The following ATAT1 variants were observed in gnomAD, a reference collection of about 807,000 sequenced individuals.
ATAT1 encodes the protein alpha-tubulin N-acetyltransferase 1.
A neutral mutation model predicts 57.2 loss-of-function variants in ATAT1; 42 were observed. The ratio of observed to expected loss-of-function variants is 0.73; its 90% CI spans 0.57 to 0.95. The LOEUF is 0.95. ATAT1 is among the 40% of genes least tolerant of loss of function. The probability of loss-of-function intolerance (pLI) is 0.00; values close to 1 mark genes in which losing one functional copy is unlikely to be tolerated. For missense variants in ATAT1, 454 were observed against 523.7 expected (o/e 0.87, Z 1.30); for synonymous variants, 168 against 187.1 (o/e 0.90, Z 0.83).
At chr6:30,632,030 C>G (rs1762993743) in intron 6 of ATAT1, among the ~76,000 whole-genome samples, 1 of 151,272 alleles carries the variant, frequency 6.6e-6, no homozygotes, top group East Asian at 2.0e-4. Context: ...AAGATCAGGC[C>G]AGGGGTGGCG....
intron 8 of ATAT1, chr6:30,641,662 C>A: frequency 2.2e-6 from 1 of 459,240 alleles, no homozygotes; most frequent in Non-Finnish European, 2.8e-6. Context: ...TTTTTTTTAA[C>A]CTAATAAAAC....
chr6:30,640,442 T>G lies in ATAT1; in HGVS notation c.547+20T>G. 6.2e-7 allele frequency: 1 copy of G among 1,613,018 alleles called. No homozygotes were observed. Among genetic ancestry groups the G allele is most frequent in the Non-Finnish European group, 8.5e-7 (1 of 1,180,038 alleles). ...AACATCGTAAGTTTTTGCATTTTGTTGGTCACGTAGTCGGGGTGAGGGAAA... is the reference window on the plus strand; with the variant it reads ...AACATCGTAAGTTTTTGCATTTTGTGGGTCACGTAGTCGGGGTGAGGGAAA... On this transcript the variant is annotated intron_variant, in intron 7 of 12. Transcript: ENST00000330083.
rs561105702 is a variant in ATAT1, at chr6:30,627,845, C to G, written c.225-6C>G. The G allele has an allele frequency of 6.2e-7, 1 of 1,612,834 alleles. No individual in the cohort carries two copies. The highest frequency in any genetic ancestry group is 8.5e-7 in the Non-Finnish European group (1 of 1,179,904). ...TAGCCTGTTCATTATTTTCCCCGTC[C>G]TACAGGGCTGGAAAAGGAGCCATTA... On this transcript the variant is annotated splice_region_variant and splice_polypyrimidine_tract_variant and intron_variant, in intron 3 of 12. Transcript: ENST00000330083.
chr6:30,639,028 T>TG (rs1764786888), intron 6 of ATAT1, among the ~76,000 whole-genome samples: 1 of 152,224 alleles, frequency 6.6e-6, no homozygotes, highest in African/African-American at 2.4e-5. Context: ...TTGCCCAGGC[T>TG]GGAGTGCAGT....
rs146879826 is a variant in ATAT1 at position 30,628,135 on chromosome 6, A to T, written c.389A>T (p.Tyr130Phe). Reference sequence around the variant, plus strand: ...GGCCATGGGCGAGAACTCTTCCAGTATATGTTGCAGGTATCACTGACCTCT... The same window carrying T: ...GGCCATGGGCGAGAACTCTTCCAGTTTATGTTGCAGGTATCACTGACCTCT... The change falls in exon 5 of 13, where the codon TAT becomes TTT. Residue 130 changes from tyrosine to phenylalanine, a missense_variant. Around this residue, in one of 3 missense-constraint regions of ATAT1, gnomAD observed 236 missense variants for 284.5 expected, o/e 0.83. Coordinates refer to ENST00000330083, the MANE Select transcript of ATAT1 (RefSeq NM_001031722.4). The T allele has an allele frequency of 1.9e-6, 3 of 1,612,678 alleles. No homozygotes were observed. In the South Asian group the frequency reaches 3.3e-5, roughly 18 times the overall value.
At chr6:30,636,381 G>A (rs553665087) in intron 6 of ATAT1, among the ~76,000 whole-genome samples, 116 of 152,088 alleles carry the variant, frequency 7.6e-4, no homozygotes, top group African/African-American at 2.4e-3. Context: ...TCAGGAGATC[G>A]AGACCATCCT....
chr6:30,630,943 C>CAA (rs565010583), intron 6 of ATAT1, among the ~76,000 whole-genome samples: 2 of 112,264 alleles, frequency 1.8e-5, no homozygotes, highest in Non-Finnish European at 2.0e-5. Context: ...TGTCTCGGAA[C>CAA]AAAAAAAAAA....
intron 4 of ATAT1, 53 bp from the exon 5 acceptor site, chr6:30,627,979 G>C: frequency 1.2e-6 from 2 of 1,607,308 alleles, no homozygotes; most frequent in Non-Finnish European, 1.7e-6. Flanking sequence ...TGGAGGTTAG[G>C]GGGCAGCAGA....
chr6:30,640,241 T>C, intron 6 of ATAT1, 136 bp from the exon 7 acceptor site: 1 of 878,692 alleles, frequency 1.1e-6, no homozygotes, highest in Middle Eastern at 2.8e-4. Flanking sequence ...GGGTGTGTTG[T>C]AGGCTATAGT....
intron 10 of ATAT1, chr6:30,643,439 T>C: frequency 1.3e-6 from 2 of 1,535,854 alleles, no homozygotes; most frequent in Non-Finnish European, 1.8e-6. Flanking sequence ...TCTCTCCCTT[T>C]CTCTTCACCT....
At chr6:30,638,628 C>T (rs1764687877) in intron 6 of ATAT1, among the ~76,000 whole-genome samples, 1 of 150,852 alleles carries the variant, frequency 6.6e-6, no homozygotes, top group Non-Finnish European at 1.5e-5. Flanking sequence ...GGCTGGAGTG[C>T]AGTGTTGCCA....
intron 10 of ATAT1, chr6:30,643,320 C>A: frequency 1.4e-6 from 2 of 1,419,830 alleles, no homozygotes; most frequent in Non-Finnish European, 9.2e-7. Context: ...GGAAAATCTT[C>A]GCTTAATACT....
intron 8 of ATAT1, among the ~76,000 whole-genome samples, chr6:30,641,106 T>TACAC (rs1262818896): frequency 2.3e-4 from 33 of 140,942 alleles, no homozygotes; most frequent in African/African-American, 8.1e-4. Flanking sequence ...CCCCATCCCA[T>TACAC]ATACACACAT....
At chr6:30,644,627 T>C (rs1766287567) in intron 10 of ATAT1, 1 of 985,356 alleles carries the variant, frequency 1.0e-6, no homozygotes. Flanking sequence ...GTGAAATCTT[T>C]TGTGTTTTCT....
rs1308052877 is a variant in ATAT1 at position 30,646,425 on chromosome 6, C to CT, written c.1056-41dup. ...GAAGAGTCTGTAATCTTAATTTCCTCTTTAGTATTCCTATAACCCACTCTC... is the reference window on the plus strand; with the variant it reads ...GAAGAGTCTGTAATCTTAATTTCCTCTTTTAGTATTCCTATAACCCACTCTC... On this transcript the variant is annotated intron_variant, in intron 12 of 12. Coordinates refer to ENST00000330083, the MANE Select transcript of ATAT1 (RefSeq NM_001031722.4). The CT allele has an allele frequency of 2.7e-6, 4 of 1,494,380 alleles. No homozygotes were observed. The South Asian group carries it at 5.4e-5, about 20-fold the overall frequency. 92.6% of individuals were successfully genotyped at this position (1,494,380 alleles called of 1,614,324 possible).
chr6:30,632,494 C>T (rs1763120300), intron 6 of ATAT1, among the ~76,000 whole-genome samples: 1 of 151,392 alleles, frequency 6.6e-6, no homozygotes, highest in Non-Finnish European at 1.5e-5. Context: ...ATCGCTTGAA[C>T]CTGGGAGGCA....
Position 30,642,841 on chromosome 6 carries a change from A to ACC in ATAT1, c.768_769dup (p.Arg257ProfsTer63). The ACC allele has an allele frequency of 3.4e-6, 1 of 296,310 alleles. No individual in the cohort carries two copies. 18.4% of individuals were successfully genotyped at this position (296,310 alleles called of 1,614,324 possible). On this transcript the variant is annotated frameshift_variant, in exon 10 of 13. Transcript: ENST00000330083. LOFTEE classifies it high-confidence loss of function. ...GCCGCGCCACACCTCCAGCCCACCC[A>ACC]CCCCCCCGCTCCAGCAGCCTGGGAA...
At chr6:30,633,002 T>C (rs1035876339) in intron 6 of ATAT1, among the ~76,000 whole-genome samples, 30 of 151,142 alleles carry the variant, frequency 2.0e-4, no homozygotes, top group Non-Finnish European at 3.8e-4. Context: ...GTAGACTAAT[T>C]AGGCAGCAAC....
chr6:30,632,515 T>C (rs1466254264), intron 6 of ATAT1, among the ~76,000 whole-genome samples: 2 of 151,904 alleles, frequency 1.3e-5, no homozygotes, highest in East Asian at 3.9e-4. Context: ...GAGGTTGCAG[T>C]GAGCTGAGAT....
Sources: gnomAD v4.1 joint callset for allele counts (sites outside exome capture counted in the v4.1 genomes callset) on GRCh38, gnomAD v4.1.1 for gene constraint, gnomAD v4.1.1 regional missense constraint, MANE v1.5 for transcripts, NCBI Gene and HGNC (gene_info 2026-07-23, HGNC 2026-07-21) for gene names.